The following CLIC5 variants were observed in gnomAD, a reference collection of about 807,000 sequenced individuals.
The protein encoded by CLIC5 is CLIC family member 5.
In CLIC5, 20 loss-of-function variants were observed where a neutral mutation model predicts 24.7. That is an observed-to-expected ratio of 0.81 (90% confidence interval 0.57 to 1.18). The LOEUF is 1.18. Ranked by LOEUF, CLIC5 falls within the 50% of genes most tolerant of loss-of-function variation. The pLI is 0.00. For synonymous variants in CLIC5, 159 were observed against 135.6 expected (o/e 1.17, Z -1.20); for missense variants, 341 against 326.1 (o/e 1.05, Z -0.35).
intron 1 of CLIC5, among the ~76,000 whole-genome samples, chr6:46,060,226 G>A (rs1762212121): frequency 6.6e-6 from 1 of 152,138 alleles, no homozygotes; most frequent in African/African-American, 2.4e-5. Context: ...GAGTATTTTG[G>A]TAAGAAGAGC....
chr6:46,112,505 TG>T, the CLIC5 span, among the ~76,000 whole-genome samples: 3 of 152,148 alleles, frequency 2.0e-5, no homozygotes, highest in Non-Finnish European at 2.9e-5. Flanking sequence ...TGAATGCCTT[TG>T]GGGGGGTAAT....
chr6:46,110,367 C>T, the CLIC5 span, among the ~76,000 whole-genome samples: 2 of 152,146 alleles, frequency 1.3e-5, no homozygotes, highest in African/African-American at 4.8e-5. Flanking sequence ...ACTTTGTCAC[C>T]CCCACGACCT....
At chr6:46,105,330 G>T in the CLIC5 span, among the ~76,000 whole-genome samples, 1 of 152,056 alleles carries the variant, frequency 6.6e-6, no homozygotes, top group Admixed American at 6.5e-5. Context: ...TTTTTGAAAA[G>T]ATCTCCATGG....
intron 1 of CLIC5, among the ~76,000 whole-genome samples, chr6:46,038,205 G>T (rs1423040237): frequency 1.3e-5 from 2 of 152,132 alleles, no homozygotes; most frequent in East Asian, 3.9e-4. Context: ...AAAAAAAAAT[G>T]AAGCACAGAT....
chr6:45,999,620 C>G (rs1766276387), intron 1 of CLIC5, among the ~76,000 whole-genome samples: 1 of 152,060 alleles, frequency 6.6e-6, no homozygotes, highest in African/African-American at 2.4e-5. Flanking sequence ...AACCCCTCCT[C>G]TTCCTCCTCC....
intron 1 of CLIC5, among the ~76,000 whole-genome samples, chr6:46,027,733 C>A (rs1683535687): frequency 6.6e-6 from 1 of 152,188 alleles, no homozygotes; most frequent in African/African-American, 2.4e-5. Context: ...TATTCTAAGA[C>A]ACCTTTGCAA....
At chr6:46,080,928 G>A (rs1762906889), upstream of CLIC5, among the ~76,000 whole-genome samples, 1 of 152,070 alleles carries the variant, frequency 6.6e-6, no homozygotes, top group Non-Finnish European at 1.5e-5. Context: ...AAAGACTTAT[G>A]GCTTTAATTT....
rs147227538 is a variant in CLIC5 at position 45,931,556 on chromosome 6, A to C, written c.406+9991T>G. Among the ~76,000 whole-genome samples, 3 of 152,346 alleles carry C rather than the reference A, an allele frequency of 2.0e-5. No individual in the cohort carries two copies. In the East Asian group the frequency reaches 5.8e-4, roughly 29 times the overall value. The stretch of plus-strand genomic sequence containing the variant: ...AAGGTGCACATTTTTTTCACTCTTT[A>C]ACATCTGTGAAATCAGGCAATGTCT... On this transcript the variant is annotated intron_variant, in intron 4 of 5. Transcript: ENST00000339561.
chr6:46,079,924 T>C (rs766816772), exon 1 of CLIC5: 26 of 1,551,736 alleles, frequency 1.7e-5, no homozygotes, highest in East Asian at 2.4e-5. Flanking sequence ...AACCCTTCCA[T>C]TGAGATGCCC....
upstream of CLIC5, among the ~76,000 whole-genome samples, chr6:46,080,970 C>A (rs894972655): frequency 6.6e-6 from 1 of 152,156 alleles, no homozygotes; most frequent in African/African-American, 2.4e-5. Context: ...GCATGATCAT[C>A]ACCATCAACA....
chr6:46,050,180 T>C (rs1030031754), intron 1 of CLIC5, among the ~76,000 whole-genome samples: 11 of 152,220 alleles, frequency 7.2e-5, no homozygotes, highest in African/African-American at 2.7e-4. Context: ...TGTAAGTGCC[T>C]GGACCACATC....
At chr6:46,129,013 C>T in the CLIC5 span, among the ~76,000 whole-genome samples, 1 of 152,312 alleles carries the variant, frequency 6.6e-6, no homozygotes, top group South Asian at 2.1e-4. Flanking sequence ...CTGCAGTTTA[C>T]TAATCCAGGT....
intron 1 of CLIC5, among the ~76,000 whole-genome samples, chr6:46,035,599 T>C (rs570273818): frequency 1.1e-4 from 17 of 152,228 alleles, no homozygotes; most frequent in Non-Finnish European, 2.1e-4. Context: ...CTGCATCTCC[T>C]CTGGGCTCTC....
intron 5 of CLIC5, among the ~76,000 whole-genome samples, chr6:45,905,335 C>T (rs971329965): frequency 1.3e-5 from 2 of 152,176 alleles, no homozygotes; most frequent in African/African-American, 4.8e-5. Flanking sequence ...TTCCCATTAA[C>T]ACTGTATAAG....
intron 1 of CLIC5, among the ~76,000 whole-genome samples, chr6:45,990,416 C>A (rs900062560): frequency 6.6e-6 from 1 of 152,090 alleles, no homozygotes; most frequent in African/African-American, 2.4e-5. Flanking sequence ...TCTTTGTTTC[C>A]TTTTTGTTTT....
Position 45,945,679 on chromosome 6 carries a change from C to T in CLIC5, c.299+3577G>A, listed in dbSNP as rs77241924. Among the ~76,000 whole-genome samples the T allele has an allele frequency of 1.8e-4, 27 of 152,244 alleles. No homozygotes were observed. The East Asian group carries it at 5.0e-3, about 28-fold the overall frequency. On this transcript the variant is annotated intron_variant, in intron 3 of 5. Transcript: ENST00000339561. ...CAACCTAGTGGTATGGATTTGAACC[C>T]GAGTCACTCTGACTCCAAACCTCCT...
At chr6:45,887,591 C>T (rs981313473) in intron 6 of CLIC5, among the ~76,000 whole-genome samples, 3 of 152,204 alleles carry the variant, frequency 2.0e-5, no homozygotes, top group Admixed American at 2.0e-4. Context: ...CACAATTCAA[C>T]CTATAAGGTG....
intron 1 of CLIC5, among the ~76,000 whole-genome samples, chr6:45,995,816 G>A (rs1351664461): frequency 6.6e-6 from 1 of 152,002 alleles, no homozygotes; most frequent in Admixed American, 6.6e-5. Flanking sequence ...TCCTTTGCGG[G>A]GACATGGAAG....
At chr6:45,941,417 A>C in intron 4 of CLIC5, 130 bp downstream of exon 4, 1 of 734,350 alleles carries the variant, frequency 1.4e-6, no homozygotes, top group Non-Finnish European at 2.4e-6. Context: ...GGTGGGGGCA[A>C]ATAATAAGCA....
Sources: allele counts gnomAD v4.1 joint callset (sites outside exome capture counted in the v4.1 genomes callset), GRCh38; gene constraint gnomAD v4.1.1; transcripts MANE v1.5; gene names NCBI Gene and HGNC (gene_info 2026-07-23, HGNC 2026-07-21).